Variants in NOL4L observed in about 807,000 individuals in gnomAD.
The protein encoded by NOL4L is nucleolar protein 4-like.
Under a neutral mutation model 64.5 loss-of-function variants are expected in NOL4L, and 7 were observed. The ratio of observed to expected loss-of-function variants is 0.11; its 90% CI spans 0.06 to 0.20. NOL4L has a LOEUF of 0.20. Among genes scored for constraint, NOL4L ranks in the 10% least tolerant of loss-of-function variants. The probability of loss-of-function intolerance (pLI) is 1.00; values close to 1 mark genes in which losing one functional copy is unlikely to be tolerated. For synonymous variants in NOL4L, 413 were observed against 401.0 expected, an observed-to-expected ratio of 1.03 and a Z score of -0.36; for missense variants, 680 against 967.1, an observed-to-expected ratio of 0.70 and a Z score of 3.94.
At chr20:32,508,107 T>C (rs1167597220) in intron 4 of NOL4L, among the ~76,000 whole-genome samples, 1 of 152,194 alleles carries the variant, frequency 6.6e-6, no homozygotes, top group East Asian at 1.9e-4. Flanking sequence ...GCATTAGAAA[T>C]TTGCAAACAC....
chr20:32,491,145 A>G (rs1321503773), intron 4 of NOL4L, among the ~76,000 whole-genome samples: 1 of 152,228 alleles, frequency 6.6e-6, no homozygotes, highest in Non-Finnish European at 1.5e-5. Context: ...CCTCCAGGCC[A>G]GCAGGGGAGA....
chr20:32,485,058 CAAAAAAAAA>C (rs57444583), intron 4 of NOL4L, among the ~76,000 whole-genome samples: 33 of 17,816 alleles, frequency 1.9e-3, no homozygotes, highest in South Asian at 8.3e-3. Flanking sequence ...GGGAAATTGC[CAAAAAAAAA>C]AAAAAAAAAA....
chr20:32,449,200 A>G (rs554327437), intron 10 of NOL4L, among the ~76,000 whole-genome samples: 2 of 152,370 alleles, frequency 1.3e-5, no homozygotes, highest in East Asian at 3.9e-4. Flanking sequence ...TCTCTGATGC[A>G]GCCAGGTCAG....
Position 32,445,887 on chromosome 20 carries a change from TGGG to T in NOL4L, c.*1706_*1708del, listed in dbSNP as rs1013882437. 1 of 151,960 alleles carries T rather than the reference TGGG, an allele frequency of 6.6e-6. No homozygotes were observed. The highest frequency in any genetic ancestry group is 2.4e-5 in the African/African-American group (1 of 41,298). 9.4% of individuals were successfully genotyped at this position (151,960 alleles called of 1,614,324 possible). On this transcript the variant is annotated 3_prime_UTR_variant, in exon 11 of 11. Transcript: ENST00000621426. ...CACTGGTGCCCCCCCCATCCCTCCT[TGGG>T]GGGAGTCTGCCACAGTGCCGGGAGG...
At chr20:32,449,525 T>C (rs542518522) in intron 10 of NOL4L, among the ~76,000 whole-genome samples, 98 of 152,382 alleles carry the variant, frequency 6.4e-4, no homozygotes, top group African/African-American at 2.1e-3. Context: ...GGTTATTTCC[T>C]CTCCGGCCAG....
chr20:32,488,813 CTTTCTTTCTTTCTT>C (rs1238660583), intron 4 of NOL4L, among the ~76,000 whole-genome samples: 3,405 of 23,960 alleles, frequency 0.14, 309 homozygotes, highest in Middle Eastern at 0.21. Context: ...CTTTTTCTTT[CTTTCTTTCTTTCTT>C]TTTCTTTCTT....
chr20:32,488,895 CCT>C (rs1467953683), intron 4 of NOL4L, among the ~76,000 whole-genome samples: 8 of 120,410 alleles, frequency 6.6e-5, no homozygotes, highest in Non-Finnish European at 7.1e-5. Flanking sequence ...TTCTTTCTTT[CCT>C]CTCTCTTTCT....
At chr20:32,484,108 T>G (rs1184375349) in intron 4 of NOL4L, among the ~76,000 whole-genome samples, 1 of 151,870 alleles carries the variant, frequency 6.6e-6, no homozygotes, top group Non-Finnish European at 1.5e-5. Flanking sequence ...TTGGCCCAAA[T>G]AAAGTGACTC....
intron 5 of NOL4L, chr20:32,465,190 G>A (rs774974918): frequency 1.7e-4 from 80 of 461,146 alleles, no homozygotes; most frequent in Admixed American, 2.9e-4. Flanking sequence ...AGTGTCAGGC[G>A]GCGGGTAACT....
chr20:32,566,450 C>T (rs1188312066), intron 1 of NOL4L, among the ~76,000 whole-genome samples: 2 of 152,136 alleles, frequency 1.3e-5, no homozygotes, highest in Non-Finnish European at 2.9e-5. Context: ...GGACAGGCTA[C>T]GAGGGCTCAG....
At chr20:32,518,607 C>T (rs1248221914) in intron 3 of NOL4L, among the ~76,000 whole-genome samples, 1 of 152,246 alleles carries the variant, frequency 6.6e-6, no homozygotes, top group Non-Finnish European at 1.5e-5. Context: ...ACAAATGGAG[C>T]CCCTCTTGGC....
At chr20:32,581,500 G>T (rs1392824052) in intron 1 of NOL4L, among the ~76,000 whole-genome samples, 1 of 152,176 alleles carries the variant, frequency 6.6e-6, no homozygotes, top group Non-Finnish European at 1.5e-5. Context: ...AGGAGGAAGG[G>T]AGGCCCAGGG....
intron 4 of NOL4L, among the ~76,000 whole-genome samples, chr20:32,504,751 G>T (rs761585816): frequency 4.6e-5 from 7 of 151,858 alleles, no homozygotes; most frequent in Non-Finnish European, 1.0e-4. Context: ...CTACAAGCAC[G>T]TGCCACCATG....
At chr20:32,485,112 G>A (rs981032260) in intron 4 of NOL4L, among the ~76,000 whole-genome samples, 8 of 95,798 alleles carry the variant, frequency 8.4e-5, no homozygotes, top group Non-Finnish European at 1.3e-4. Flanking sequence ...CCCTGATAAG[G>A]ATCCCACCTC....
At chr20:32,488,746 TTTTCCTTCCTTCCTTC>T in intron 4 of NOL4L, among the ~76,000 whole-genome samples, 1 of 138,904 alleles carries the variant, frequency 7.2e-6, no homozygotes, top group East Asian at 2.4e-4. Flanking sequence ...TCTTTCTTTC[TTTTCCTTCCTTCCTTC>T]CTTCCTTCCT....
At chr20:32,521,859 A>T (rs1330608993) in intron 2 of NOL4L, among the ~76,000 whole-genome samples, 3 of 152,096 alleles carry the variant, frequency 2.0e-5, no homozygotes, top group African/African-American at 7.2e-5. Context: ...TGCTTCCTGG[A>T]GCCTGGGTCC....
intron 4 of NOL4L, chr20:32,486,714 G>A (rs1175064583): frequency 2.1e-6 from 1 of 471,126 alleles, no homozygotes; most frequent in Non-Finnish European, 4.4e-6. Context: ...GGGCGATCTG[G>A]CAGACACTTC....
chr20:32,508,624 C>T (rs1375194718), intron 4 of NOL4L, among the ~76,000 whole-genome samples: 1 of 152,092 alleles, frequency 6.6e-6, no homozygotes, highest in African/African-American at 2.4e-5. Flanking sequence ...CATTCAGAGG[C>T]CCCCACCTGG....
chr20:32,562,848 AC>A (rs1311635698), intron 1 of NOL4L, among the ~76,000 whole-genome samples: 3 of 142,426 alleles, frequency 2.1e-5, no homozygotes, highest in Non-Finnish European at 1.5e-5. Context: ...CCCTTCCACC[AC>A]GCTGTTGCTC....
Sources: gnomAD v4.1 joint callset for allele counts (sites outside exome capture counted in the v4.1 genomes callset) on GRCh38, gnomAD v4.1.1 for gene constraint, MANE v1.5 for transcripts, NCBI Gene and HGNC (gene_info 2026-07-23, HGNC 2026-07-21) for gene names.